BAIAP3: variants seen among roughly 807,000 people sequenced by gnomAD.
BAIAP3 encodes the protein BAI1-associated protein 3.
In BAIAP3, 180 loss-of-function variants were observed where a neutral mutation model predicts 149.7. The ratio of observed to expected loss-of-function variants is 1.20; its 90% CI spans 1.07 to 1.36. BAIAP3 has a LOEUF of 1.36. Among genes scored for constraint, BAIAP3 ranks in the 40% most tolerant of loss-of-function variants. The pLI, the probability that BAIAP3 is intolerant of heterozygous loss-of-function variation, is 0.00. For missense variants in BAIAP3, 1,767 were observed against 1,563.4 expected (o/e 1.13, Z -2.20); for synonymous variants, 845 against 670.7 (o/e 1.26, Z -4.02).
chr16:1,334,264 C>T (rs2033313317), intron 1 of BAIAP3, among the ~76,000 whole-genome samples: 1 of 151,978 alleles, frequency 6.6e-6, no homozygotes, highest in South Asian at 2.1e-4. Context: ...CCTCCTTCAG[C>T]CCCACTCGGC....
chr16:1,335,792 G>T (rs2141556147), intron 1 of BAIAP3, among the ~76,000 whole-genome samples: 1 of 152,300 alleles, frequency 6.6e-6, no homozygotes, highest in South Asian at 2.1e-4. Context: ...GTTGGGGTCA[G>T]GGGGGCTGGC....
At chr16:1,345,567 C>A (rs2034280238) in intron 22 of BAIAP3, 180 bp from the exon 23 acceptor site, 1 of 573,738 alleles carries the variant, frequency 1.7e-6, no homozygotes, top group African/African-American at 2.1e-5. Context: ...GCAACCCCAG[C>A]CTCCTCAGCA....
At chr16:1,341,584 G>T in intron 8 of BAIAP3, 95 bp downstream of exon 8, 4 of 1,444,302 alleles carry the variant, frequency 2.8e-6, no homozygotes, top group South Asian at 1.3e-5. Context: ...AGCAGCTCCC[G>T]GTCTCTTTGG....
Position 1,345,901 on chromosome 16 carries a change from G to A in BAIAP3, c.2208+11G>A. 6.3e-7 allele frequency: 1 copy of A among 1,577,460 alleles called. No homozygotes were observed. Among genetic ancestry groups the A allele is most frequent in the Non-Finnish European group, 8.6e-7 (1 of 1,162,138 alleles). Reference sequence around the variant, plus strand: ...ACCCAGCTTGGCCAGGTGTGTGGGTGGGCCCTGGGGGTGAGGGGAACGGGT... The same window carrying A: ...ACCCAGCTTGGCCAGGTGTGTGGGTAGGCCCTGGGGGTGAGGGGAACGGGT... On this transcript the variant is annotated intron_variant, in intron 23 of 33. Transcript: ENST00000426824.
intron 27 of BAIAP3, 26 bp downstream of exon 27, chr16:1,346,710 C>A: frequency 6.7e-7 from 1 of 1,489,866 alleles, no homozygotes. Flanking sequence ...GTGGGATGGG[C>A]TGGGCTGGCC....
chr16:1,347,984 C>T lies in BAIAP3; in HGVS notation c.3116C>T (p.Thr1039Met), dbSNP rs201353225. ...RSQRTQVKTR[T>M]LHPVYDELFY... ...CAGAGGACCCAGGTGAAGACCCGGACGCTGCACCCTGTATACGACGAACTC... is the reference window on the plus strand; with the variant it reads ...CAGAGGACCCAGGTGAAGACCCGGATGCTGCACCCTGTATACGACGAACTC... The change falls in exon 32 of 34, where the codon ACG becomes ATG. Residue 1039 changes from threonine (T) to methionine (M), a missense_variant. Transcript: ENST00000426824. The T allele has an allele frequency of 2.2e-5, 36 of 1,611,248 alleles. No homozygotes were observed. The highest frequency in any genetic ancestry group is 1.8e-4 in the Admixed American group (11 of 60,024).
chr16:1,340,315 C>A (rs111173899), intron 5 of BAIAP3, among the ~76,000 whole-genome samples: 61 of 45,292 alleles, frequency 1.3e-3, no homozygotes, highest in African/African-American at 2.2e-3. Context: ...GCACAGATGC[C>A]CAGGCACACA....
In BAIAP3 at chr16:1,344,687, C is replaced by A. The variant is rs771866736; in HGVS notation, c.1746C>A (p.Ser582Arg). Residue 582 changes from serine to arginine, a missense_variant, in exon 19 of 34, where the codon AGC becomes AGA. Ser to Arg is a moderately radical substitution (Grantham distance 110, BLOSUM62 -1). Transcript: ENST00000426824. The stretch of plus-strand genomic sequence containing the variant: ...AGTTCTGCTACAGTGTGTACGCCAG[C>A]CTCTTCCACAGGTGGGCCTGGCCCC... Reference protein sequence around the residue: ...DLQFCYSVYASLFHSILNVDV... With the variant: ...DLQFCYSVYARLFHSILNVDV... The A allele has an allele frequency of 6.2e-7, 1 of 1,613,686 alleles. No individual in the cohort carries two copies. Among genetic ancestry groups the A allele is most frequent in the Non-Finnish European group, 8.5e-7 (1 of 1,180,022 alleles).
chr16:1,339,637 C>G lies in BAIAP3; in HGVS notation c.408+34C>G, dbSNP rs369732219. 7.8e-6 allele frequency: 12 copies of G among 1,544,534 alleles called. No homozygotes were observed. The African/African-American group carries it at 1.4e-4, about 17-fold the overall frequency. ...ACCCTGACCCCGACCCAGACCCTGA[C>G]AGCTTCCCCACCTCAACCCCTTCCC... is the stretch of plus-strand genomic sequence containing the variant. On this transcript the variant is annotated intron_variant, in intron 5 of 33. Transcript: ENST00000426824.
intron 28 of BAIAP3, 120 bp downstream of exon 28, chr16:1,347,075 T>G (rs1000119435): frequency 2.2e-5 from 22 of 1,001,420 alleles, no homozygotes; most frequent in Non-Finnish European, 3.1e-5. Context: ...ACTCCAGGGC[T>G]GTCCACAGCG....
At chr16:1,342,845 C>T (rs771767178) in intron 13 of BAIAP3, 31 bp downstream of exon 13, 5 of 1,612,214 alleles carry the variant, frequency 3.1e-6, no homozygotes, top group Non-Finnish European at 1.7e-6. Context: ...TGGAACAGCC[C>T]GGCAGGGGGC....
Position 1,349,088 on chromosome 16 carries a change from C to G in BAIAP3, c.*606C>G, listed in dbSNP as rs535816330. 1 of 338,862 alleles carries G rather than the reference C, an allele frequency of 3.0e-6. No individual in the cohort carries two copies. Among genetic ancestry groups the G allele is most frequent in the East Asian group, 7.8e-5 (1 of 12,894 alleles). The allele number at this position is 338,862 out of a possible 1,614,324, so 21.0% of individuals were successfully genotyped here. On this transcript the variant is annotated 3_prime_UTR_variant, in exon 34 of 34. Transcript: ENST00000426824. ...AGGGACGTCACCCAAGGCTGGTGGT[C>G]AGTGTGAAGGGCTCCGTGCCAACTG...
intron 5 of BAIAP3, 147 bp from the exon 6 acceptor site, chr16:1,340,775 G>C: frequency 1.2e-6 from 1 of 825,314 alleles, no homozygotes; most frequent in East Asian, 2.7e-5. Context: ...CAAACCCTCT[G>C]CCGCTGCCTC....
In BAIAP3 at chr16:1,346,024, T is replaced by G; in HGVS notation, c.2247T>G (p.Leu749=). The change falls in exon 24 of 34, where the codon CTT becomes CTG. Residue 749 remains leucine, a synonymous_variant. Coordinates refer to ENST00000426824, the MANE Select transcript of BAIAP3 (RefSeq NM_001199097.2). ...CCACCCTCTTCTATACGGAGCTGCT[T>G]CGGAAGAAGGTGGACACTCAGCCAG... ...CEATLFYTEL[L]RKKVDTQPGA... 6.2e-7 allele frequency: 1 copy of G among 1,611,448 alleles called. No homozygotes were observed. Among genetic ancestry groups the G allele is most frequent in the Non-Finnish European group, 8.5e-7 (1 of 1,179,508 alleles).
intron 1 of BAIAP3, among the ~76,000 whole-genome samples, chr16:1,336,798 T>A (rs1447558934): frequency 2.0e-5 from 3 of 152,088 alleles, no homozygotes. Flanking sequence ...CTTCGTTTCC[T>A]CTCCTGTCCC....
At chr16:1,338,794 C>G (rs1467341270) in intron 2 of BAIAP3, 108 bp from the exon 3 acceptor site, 5 of 1,576,764 alleles carry the variant, frequency 3.2e-6, no homozygotes, top group Non-Finnish European at 4.3e-6. Context: ...CTGCAGTTAG[C>G]TGTGCCACAC....
Position 1,347,962 on chromosome 16 carries a change from A to G in BAIAP3, c.3094A>G (p.Arg1032Gly), listed in dbSNP as rs761206109. 8.1e-6 allele frequency: 13 copies of G among 1,611,922 alleles called. No homozygotes were observed. Among genetic ancestry groups the G allele is most frequent in the Non-Finnish European group, 1.1e-5 (13 of 1,179,938 alleles). The change falls in exon 32 of 34, where the codon AGG becomes GGG. Residue 1032 changes from arginine (R) to glycine (G), a missense_variant. Transcript: ENST00000426824. The part of the protein sequence containing the change: ...PHLFPLVRSQ[R>G]TQVKTRTLHP... ...TCTCTTTCCACTGGTCCGCAGCCAG[A>G]GGACCCAGGTGAAGACCCGGACGCT...
Position 1,340,923 on chromosome 16 carries a change from T to C in BAIAP3, c.410T>C (p.Val137Ala), listed in dbSNP as rs1262714132. 1.3e-6 allele frequency: 2 copies of C among 1,570,024 alleles called. No individual in the cohort carries two copies. The highest frequency in any genetic ancestry group is 2.7e-5 in the African/African-American group (2 of 73,926). The stretch of plus-strand genomic sequence containing the variant: ...TGCCAACCCAGCCACCCTCCACAGG[T>C]GTTTGGCACCAGCCTTGAGGAGCAC... Reference protein sequence around the residue: ...EEALLSYLQQVFGTSLEEHTE... With the variant: ...EEALLSYLQQAFGTSLEEHTE... The change falls in exon 6 of 34, where the codon GTG becomes GCG. Residue 137 changes from valine (V) to alanine (A), a missense_variant and splice_region_variant. Transcript: ENST00000426824.
At chr16:1,339,733 G>A (rs941652410) in intron 5 of BAIAP3, 130 bp downstream of exon 5, 34 of 689,224 alleles carry the variant, frequency 4.9e-5, no homozygotes, top group Middle Eastern at 5.0e-4. Flanking sequence ...ACACAGAGAC[G>A]GCTGCAGGTG....
Sources: allele counts gnomAD v4.1 joint callset (sites outside exome capture counted in the v4.1 genomes callset), GRCh38; gene constraint gnomAD v4.1.1; transcripts MANE v1.5; gene names NCBI Gene and HGNC (gene_info 2026-07-23, HGNC 2026-07-21).